Variants in SLC35G2 observed in about 807,000 individuals in gnomAD.
The protein encoded by SLC35G2 is solute carrier family 35 member G2, also known as transmembrane protein 22.
Under a neutral mutation model 27.2 loss-of-function variants are expected in SLC35G2, and 20 were observed. The observed-to-expected ratio is 0.74, with a 90% CI of 0.52 to 1.07. The LOEUF is 1.07. SLC35G2 is among the 50% of genes least tolerant of loss of function. SLC35G2 has a pLI of 0.00. For missense variants in SLC35G2, 416 were observed against 493.3 expected (o/e 0.84, Z 1.48); for synonymous variants, 148 against 165.3 (o/e 0.90, Z 0.80).
Position 136,819,385 on chromosome 3 carries a change from A to G in SLC35G2, c.-262A>G, listed in dbSNP as rs1228320869. 1 of 152,300 alleles carries G rather than the reference A, an allele frequency of 6.6e-6. No homozygotes were observed. The highest frequency in any genetic ancestry group is 6.5e-5 in the Admixed American group (1 of 15,278). 9.4% of individuals were successfully genotyped at this position (152,300 alleles called of 1,614,324 possible). A position where few individuals can be genotyped will look rare whatever the true frequency, so the allele number is the denominator to read the frequency against. On this transcript the variant is annotated 5_prime_UTR_variant, in exon 1 of 2. Coordinates refer to ENST00000446465, the MANE Select transcript of SLC35G2 (RefSeq NM_025246.3). ...TTGGGTAAGGGCCGGGCTGGGGGCGACGCGCCCCGCCCGCTTTGCAGACTT... is the reference window on the plus strand; with the variant it reads ...TTGGGTAAGGGCCGGGCTGGGGGCGGCGCGCCCCGCCCGCTTTGCAGACTT...
Position 136,855,702 on chromosome 3 carries a change from A to G in SLC35G2, c.*3A>G. ...TACTAGACTCTCCCATTAAATGAATACCTGATTATTATTGTCTCATTAATG... is the reference window on the plus strand; with the variant it reads ...TACTAGACTCTCCCATTAAATGAATGCCTGATTATTATTGTCTCATTAATG... On this transcript the variant is annotated 3_prime_UTR_variant, in exon 2 of 2. Transcript: ENST00000446465. The G allele has an allele frequency of 6.3e-7, 1 of 1,576,994 alleles. No individual in the cohort carries two copies.
In SLC35G2 at chr3:136,855,490, C is replaced by T; in HGVS notation, c.1030C>T (p.Pro344Ser). Reference protein sequence around the residue: ...GVYYALDKFHPALVSTVQHLE... With the variant: ...GVYYALDKFHSALVSTVQHLE... Reference sequence around the variant, plus strand: ...TTATTATGCCTTGGACAAATTCCATCCAGCTTTGGTTAGCACAGTACAACA... The same window carrying T: ...TTATTATGCCTTGGACAAATTCCATTCAGCTTTGGTTAGCACAGTACAACA... The change falls in exon 2 of 2, where the codon CCA becomes TCA. Residue 344 changes from proline to serine, a missense_variant. By Grantham distance (74) the Pro-to-Ser change is moderately conservative. Transcript: ENST00000446465. 6.2e-7 allele frequency: 1 copy of T among 1,614,136 alleles called. No homozygotes were observed. Among genetic ancestry groups the T allele is most frequent in the Non-Finnish European group, 8.5e-7 (1 of 1,180,000 alleles).
intron 1 of SLC35G2, among the ~76,000 whole-genome samples, chr3:136,821,514 T>A (rs1322400401): frequency 6.6e-6 from 1 of 152,186 alleles, no homozygotes; most frequent in East Asian, 1.9e-4. Flanking sequence ...TGACGTGCTC[T>A]CCGCTCACTG....
intron 1 of SLC35G2, among the ~76,000 whole-genome samples, chr3:136,824,429 T>A (rs1936535908): frequency 6.6e-6 from 1 of 152,212 alleles, no homozygotes; most frequent in Non-Finnish European, 1.5e-5. Context: ...TTTGTAGAGA[T>A]CTTTCACGTC....
intron 1 of SLC35G2, among the ~76,000 whole-genome samples, chr3:136,847,945 C>G (rs1262646506): frequency 6.6e-6 from 1 of 152,138 alleles, no homozygotes; most frequent in African/African-American, 2.4e-5. Context: ...TCACTACACT[C>G]CAGCCTGGGC....
intron 1 of SLC35G2, among the ~76,000 whole-genome samples, chr3:136,826,103 C>T (rs948757262): frequency 4.0e-5 from 6 of 151,708 alleles, no homozygotes; most frequent in Non-Finnish European, 5.9e-5. Context: ...GTGGCGCGAT[C>T]TTGGCTCACT....
chr3:136,834,395 G>A (rs1057104801), intron 1 of SLC35G2, among the ~76,000 whole-genome samples: 2 of 152,122 alleles, frequency 1.3e-5, no homozygotes, highest in Admixed American at 6.5e-5. Flanking sequence ...GTGCAGTGGC[G>A]TGATTTTGGC....
intron 1 of SLC35G2, chr3:136,837,570 G>A (rs531332563): frequency 1.3e-5 from 2 of 151,840 alleles, no homozygotes; most frequent in African/African-American, 2.4e-5. Flanking sequence ...ATGACATGAG[G>A]GTTTTCTTAT....
chr3:136,822,692 T>C (rs964385523), intron 1 of SLC35G2, among the ~76,000 whole-genome samples: 1 of 152,242 alleles, frequency 6.6e-6, no homozygotes, highest in Non-Finnish European at 1.5e-5. Flanking sequence ...AGTTTGTCTT[T>C]CTGTGCCTGG....
At chr3:136,852,277 G>A (rs1937683950) in intron 1 of SLC35G2, among the ~76,000 whole-genome samples, 1 of 152,128 alleles carries the variant, frequency 6.6e-6, no homozygotes, top group Non-Finnish European at 1.5e-5. Flanking sequence ...GGGTTTGGAG[G>A]CACAGGTGAT....
intron 1 of SLC35G2, among the ~76,000 whole-genome samples, chr3:136,849,270 A>G (rs1196595289): frequency 6.6e-6 from 1 of 152,098 alleles, no homozygotes; most frequent in Non-Finnish European, 1.5e-5. Flanking sequence ...TGCAATTATA[A>G]TAGTACCTAA....
chr3:136,819,838 G>A (rs988801648), intron 1 of SLC35G2: 2 of 152,272 alleles, frequency 1.3e-5, no homozygotes, highest in Admixed American at 1.3e-4. Flanking sequence ...ACGAGGGCAA[G>A]GGTTAGTGGA....
At chr3:136,834,407 T>C (rs9835096) in intron 1 of SLC35G2, among the ~76,000 whole-genome samples, 104,231 of 152,020 alleles carry the variant, frequency 0.69, 35,978 homozygotes, top group East Asian at 0.87. Flanking sequence ...GATTTTGGCT[T>C]ACTGCAACCT....
intron 1 of SLC35G2, among the ~76,000 whole-genome samples, chr3:136,833,108 T>C (rs182629827): frequency 7.5e-4 from 109 of 145,286 alleles, no homozygotes; most frequent in Admixed American, 7.5e-4. Context: ...CATAAGATGG[T>C]GAAAGGACTG....
intron 1 of SLC35G2, among the ~76,000 whole-genome samples, chr3:136,829,052 T>C (rs1296218055): frequency 6.6e-6 from 1 of 152,214 alleles, no homozygotes; most frequent in African/African-American, 2.4e-5. Context: ...TTTTAACTTT[T>C]TGTTGTTTCT....
At chr3:136,854,368 G>T (rs1333050140) in intron 1 of SLC35G2, 75 bp from the exon 2 acceptor site, 8 of 923,924 alleles carry the variant, frequency 8.7e-6, no homozygotes, top group Non-Finnish European at 1.3e-5. Flanking sequence ...TCATTGAATT[G>T]ATGCATATGA....
Position 136,855,332 on chromosome 3 carries a change from T to G in SLC35G2, c.872T>G (p.Phe291Cys). 1 of 1,614,194 alleles carries G rather than the reference T, an allele frequency of 6.2e-7. No homozygotes were observed. The highest frequency in any genetic ancestry group is 8.5e-7 in the Non-Finnish European group (1 of 1,180,020). Residue 291 changes from phenylalanine to cysteine, a missense_variant, in exon 2 of 2, where the codon TTT (phenylalanine) becomes TGT (cysteine). Physicochemically the swap from Phe to Cys is radical, Grantham distance 205. Coordinates refer to ENST00000446465, the MANE Select transcript of SLC35G2 (RefSeq NM_025246.3). ...KISMWTALFTFGWTGTIWGIS... is the reference protein window; with the variant it reads ...KISMWTALFTCGWTGTIWGIS... ...AGCATGTGGACTGCACTGTTTACTT[T>G]TGGTTGGACTGGGACAATTTGGGGA...
chr3:136,855,736 T>TTAA lies in SLC35G2; in HGVS notation c.*39_*40insATA, dbSNP rs3076229. The TTAA allele has an allele frequency of 0.69, 1,007,790 of 1,470,754 alleles. 349,768 individuals carry two copies. Among genetic ancestry groups the TTAA allele is most frequent in the East Asian group, 0.87 (38,473 of 44,308 alleles). 91.1% of individuals were successfully genotyped at this position (1,470,754 alleles called of 1,614,324 possible). On this transcript the variant is annotated 3_prime_UTR_variant, in exon 2 of 2. Transcript: ENST00000446465. The stretch of plus-strand genomic sequence containing the variant: ...TTATTGTCTCATTAATGTTCAGTTA[T>TTAA]TATGTATACTGCCATTTTAATGTTT...
intron 1 of SLC35G2, among the ~76,000 whole-genome samples, chr3:136,828,231 G>A (rs1161866366): frequency 4.6e-5 from 7 of 152,228 alleles, no homozygotes; most frequent in African/African-American, 1.4e-4. Flanking sequence ...TGGATGAAAT[G>A]TTCTGTAAAT....
Sources: gnomAD v4.1 joint callset for allele counts (sites outside exome capture counted in the v4.1 genomes callset) on GRCh38, gnomAD v4.1.1 for gene constraint, MANE v1.5 for transcripts, NCBI Gene and HGNC (gene_info 2026-07-23, HGNC 2026-07-21) for gene names.